UQCC6: variants seen among roughly 807,000 people sequenced by gnomAD.
The protein encoded by UQCC6 is ubiquinol-cytochrome c reductase complex assembly factor 6.
At chr12:103,964,001 G>A in the UQCC6 span, among the ~76,000 whole-genome samples, 1 of 151,742 alleles carries the variant, frequency 6.6e-6, no homozygotes, top group Non-Finnish European at 1.5e-5. Context: ...TTCACAAGCA[G>A]AAAAAGTTTG....
At chr12:103,963,467 C>CCAAATTTATATGGAAAT in the UQCC6 span, among the ~76,000 whole-genome samples, 40 of 152,314 alleles carry the variant, frequency 2.6e-4, no homozygotes, top group South Asian at 3.7e-3. Flanking sequence ...CTTTGCATTT[C>CCAAATTTATATGGAAAT]CATATAAATT....
the UQCC6 span, chr12:103,957,212 A>C: frequency 6.5e-6 from 1 of 152,922 alleles, no homozygotes; most frequent in Non-Finnish European, 1.5e-5. Flanking sequence ...CGGACCCAAA[A>C]TACAGGGACC....
the UQCC6 span, chr12:103,953,444 G>A: frequency 1.4e-6 from 1 of 702,356 alleles, no homozygotes; most frequent in Non-Finnish European, 2.6e-6. Flanking sequence ...ACAGCACTGA[G>A]CACAAGTCTA....
chr12:103,955,099 G>C, the UQCC6 span: 1 of 584,468 alleles, frequency 1.7e-6, no homozygotes, highest in Non-Finnish European at 3.1e-6. Context: ...CGGATCACTT[G>C]AGGCCAGGAG....
At chr12:103,951,665 T>A in the UQCC6 span, 1 of 1,165,810 alleles carries the variant, frequency 8.6e-7, no homozygotes, top group African/African-American at 1.6e-5. Flanking sequence ...CATAAATGTC[T>A]AACCCTTAAT....
the UQCC6 span, among the ~76,000 whole-genome samples, chr12:103,960,020 C>T: frequency 6.6e-6 from 1 of 151,948 alleles, no homozygotes; most frequent in African/African-American, 2.4e-5. Context: ...GGTGATCCGC[C>T]TGCCTCGGCC....
chr12:103,962,247 A>G, the UQCC6 span, among the ~76,000 whole-genome samples: 1 of 152,192 alleles, frequency 6.6e-6, no homozygotes, highest in Non-Finnish European at 1.5e-5. Context: ...ATGATCTGCA[A>G]ATATTTTCTC....
At chr12:103,957,998 AAT>A in the UQCC6 span, among the ~76,000 whole-genome samples, 86 of 140,518 alleles carry the variant, frequency 6.1e-4, no homozygotes, top group African/African-American at 2.2e-3. Context: ...ATATATTTAT[AAT>A]ATATATTTAT....
At chr12:103,956,755 G>C in the UQCC6 span, 48 of 1,502,274 alleles carry the variant, frequency 3.2e-5, no homozygotes, top group Non-Finnish European at 4.3e-5. Context: ...CAGGCTGGAC[G>C]GGGAAGGAAG....
At chr12:103,950,907 T>C in the UQCC6 span, 2 of 152,236 alleles carry the variant, frequency 1.3e-5, no homozygotes, top group Non-Finnish European at 1.5e-5. Flanking sequence ...TTCTAAAGCA[T>C]GCACTGCATC....
the UQCC6 span, among the ~76,000 whole-genome samples, chr12:103,952,369 T>C: frequency 1.4e-4 from 21 of 152,240 alleles, no homozygotes; most frequent in Non-Finnish European, 2.8e-4. Flanking sequence ...CAGTATTTCA[T>C]TTTTTATTAC....
the UQCC6 span, chr12:103,953,735 A>C: frequency 1.7e-6 from 1 of 599,246 alleles, no homozygotes; most frequent in South Asian, 1.9e-5. Flanking sequence ...AGACCCTTCA[A>C]TATGGCCCTT....
At chr12:103,960,190 C>T in the UQCC6 span, among the ~76,000 whole-genome samples, 2 of 152,100 alleles carry the variant, frequency 1.3e-5, no homozygotes, top group Non-Finnish European at 2.9e-5. Context: ...TCTGCCTCAG[C>T]CTCCCGAGTA....
At chr12:103,955,615 G>A in the UQCC6 span, 1 of 391,980 alleles carries the variant, frequency 2.6e-6, no homozygotes, top group African/African-American at 2.1e-5. Flanking sequence ...CTGGGCAACA[G>A]AATGAGACCT....
At chr12:103,960,547 CTAA>C in the UQCC6 span, among the ~76,000 whole-genome samples, 1 of 152,214 alleles carries the variant, frequency 6.6e-6, no homozygotes, top group African/African-American at 2.4e-5. Flanking sequence ...TCCCTCATGA[CTAA>C]TGATTCAGAT....
the UQCC6 span, among the ~76,000 whole-genome samples, chr12:103,952,819 A>C: frequency 6.6e-6 from 1 of 152,206 alleles, no homozygotes. Context: ...TGACTGCTGA[A>C]CAAAGACATG....
the UQCC6 span, among the ~76,000 whole-genome samples, chr12:103,962,474 G>A: frequency 0.3 from 45,700 of 151,868 alleles, 7,949 homozygotes; most frequent in Non-Finnish European, 0.38. Flanking sequence ...CAGGAGGTGC[G>A]ACTTGACTCC....
the UQCC6 span, among the ~76,000 whole-genome samples, chr12:103,961,217 G>A: frequency 4.0e-5 from 6 of 151,886 alleles, no homozygotes; most frequent in Non-Finnish European, 8.8e-5. Flanking sequence ...AAGGCTTATA[G>A]AATAAGGATA....
chr12:103,961,537 T>TTTGTTGTTGTTG, the UQCC6 span, among the ~76,000 whole-genome samples: 40 of 150,572 alleles, frequency 2.7e-4, no homozygotes, highest in East Asian at 5.1e-3. Flanking sequence ...ACTGTTTGGT[T>TTTGTTGTTGTTG]TTGTTGTTGT....
Sources: allele counts gnomAD v4.1 joint callset (sites outside exome capture counted in the v4.1 genomes callset), GRCh38; gene constraint gnomAD v4.1.1; transcripts MANE v1.5; gene names NCBI Gene and HGNC (gene_info 2026-07-23, HGNC 2026-07-21).